RABL6: variants seen among roughly 807,000 people sequenced by gnomAD.
RABL6 encodes the protein rab-like protein 6.
RABL6 carries 28 observed loss-of-function variants against 72.9 expected under a neutral mutation model. The observed-to-expected ratio is 0.38, with a 90% CI of 0.28 to 0.53. RABL6 has a LOEUF of 0.53. Among genes scored for constraint, RABL6 ranks in the 20% least tolerant of loss-of-function variants. The probability of loss-of-function intolerance (pLI) is 0.80; values close to 1 mark genes in which losing one functional copy is unlikely to be tolerated. For synonymous variants in RABL6, 477 were observed against 421.2 expected (o/e 1.13, Z -1.62); for missense variants, 1,029 against 1,008.4 (o/e 1.02, Z -0.28).
rs1332379832 is a variant in RABL6, at chr9:136,818,385, A to C, written c.131-5140A>C. On this transcript the variant is annotated intron_variant, in intron 1 of 14. Transcript: ENST00000311502. Reference sequence around the variant, plus strand: ...CTCAAAAAAAAAAAAAAAAAAAAAAAAAAAAAAAAAAAAAAAAAACCAAAG... The same window carrying C: ...CTCAAAAAAAAAAAAAAAAAAAAAACAAAAAAAAAAAAAAAAAAACCAAAG... Among the ~76,000 whole-genome samples, 52 of 126,552 alleles carry C rather than the reference A, an allele frequency of 4.1e-4. 2 individuals are homozygous for C. The highest frequency in any genetic ancestry group is 1.9e-3 in the Admixed American group (25 of 12,858). The allele number at this position is 126,552 out of a possible 152,430, so 83.0% of individuals were successfully genotyped here.
At position 136,835,602 on chromosome 9, in the gene RABL6, T is replaced by A. The variant is rs1383561529; in HGVS notation, c.706-140T>A. ...AAGTGGGGCCCAGCGCAGAGCTCCATGAGTTGCTGAGCAGCCAGCCCTGCA... is the reference window on the plus strand; with the variant it reads ...AAGTGGGGCCCAGCGCAGAGCTCCAAGAGTTGCTGAGCAGCCAGCCCTGCA... On this transcript the variant is annotated intron_variant, in intron 7 of 14. Coordinates refer to ENST00000311502, the MANE Select transcript of RABL6 (RefSeq NM_024718.5). The A allele has an allele frequency of 4.4e-6, 3 of 688,626 alleles. No individual in the cohort carries two copies. The East Asian group carries it at 8.3e-5, about 19-fold the overall frequency. The allele number at this position is 688,626 out of a possible 1,614,324, so 42.7% of individuals were successfully genotyped here.
Position 136,840,401 on chromosome 9 carries a change from G to C in RABL6, c.2069G>C (p.Arg690Pro), listed in dbSNP as rs376411410. The C allele has an allele frequency of 9.7e-6, 15 of 1,551,026 alleles. No homozygotes were observed. Among genetic ancestry groups the C allele is most frequent in the Admixed American group, 5.9e-5 (3 of 51,024 alleles). The change falls in exon 15 of 15, where the codon CGG (arginine) becomes CCG (proline). Residue 690 changes from arginine to proline, a missense_variant. Physicochemically the swap from Arg to Pro is moderately radical, Grantham distance 103. Coordinates refer to ENST00000311502, the MANE Select transcript of RABL6 (RefSeq NM_024718.5). ...DKEEGKEERR[R>P]RQQRPPRSRE... Reference sequence around the variant, plus strand: ...GAGGAGGGCAAGGAGGAGCGGCGACGGCGGCAGCAGCGGCCCCCGCGCAGC... The same window carrying C: ...GAGGAGGGCAAGGAGGAGCGGCGACCGCGGCAGCAGCGGCCCCCGCGCAGC...
chr9:136,813,732 C>T (rs1848061501), intron 1 of RABL6: 2 of 192,456 alleles, frequency 1.0e-5, no homozygotes, highest in African/African-American at 2.4e-5. Context: ...TTTCCTGCCT[C>T]AGCCTCCCGA....
intron 1 of RABL6, among the ~76,000 whole-genome samples, chr9:136,823,094 A>C (rs989276590): frequency 6.6e-6 from 1 of 151,880 alleles, no homozygotes; most frequent in African/African-American, 2.4e-5. Context: ...TCTCAAAAAA[A>C]AAAAAAAAAA....
At chr9:136,835,980 C>G (rs1021220534) in intron 8 of RABL6, 135 bp downstream of exon 8, 1 of 827,178 alleles carries the variant, frequency 1.2e-6, no homozygotes. Context: ...CCTTTGGGCA[C>G]GGGTGGAGGA....
intron 1 of RABL6, among the ~76,000 whole-genome samples, chr9:136,817,499 C>T (rs1026793355): frequency 2.1e-4 from 32 of 151,310 alleles, no homozygotes; most frequent in Admixed American, 5.9e-4. Flanking sequence ...GAGGGGAGGC[C>T]GACGTGGGCT....
intron 1 of RABL6, among the ~76,000 whole-genome samples, chr9:136,817,134 A>C (rs1329520781): frequency 2.0e-5 from 3 of 152,340 alleles, no homozygotes; most frequent in Admixed American, 2.0e-4. Flanking sequence ...ACGTTAAATC[A>C]GTCAGCAGCA....
chr9:136,836,164 T>G (rs1263012483), intron 8 of RABL6: 5 of 299,374 alleles, frequency 1.7e-5, no homozygotes, highest in Non-Finnish European at 6.3e-6. Context: ...CCTCCCAGAT[T>G]GATGCCAGCA....
chr9:136,840,180 GAGAAGA>G lies in RABL6; in HGVS notation c.1971_1976del (p.Lys659_Lys660del), dbSNP rs145591109. 1.9e-5 allele frequency: 31 copies of G among 1,612,374 alleles called. No individual in the cohort carries two copies. Among genetic ancestry groups the G allele is most frequent in the Admixed American group, 3.3e-5 (2 of 59,968 alleles). ...TAAGGAGGGCAAAACCCCCTCTAAG[GAGAAGA>G]AGAAGAAGAAGAAAAAAGGCAAAGA... On this transcript the variant is annotated inframe_deletion, in exon 14 of 15. Transcript: ENST00000311502.
chr9:136,827,519 G>T (rs1378412883), intron 3 of RABL6: 8 of 152,314 alleles, frequency 5.3e-5, no homozygotes, highest in Non-Finnish European at 1.2e-4. Flanking sequence ...GCTCGCCCGG[G>T]GGGTGCTGGT....
intron 1 of RABL6, chr9:136,821,223 G>C (rs1041545973): frequency 1.4e-6 from 1 of 704,968 alleles, no homozygotes; most frequent in Non-Finnish European, 1.7e-6. Flanking sequence ...GTAGGGTTGA[G>C]GAGCCGAGAT....
In RABL6 at chr9:136,831,832, C is replaced by T. The variant is rs539188352; in HGVS notation, c.570C>T (p.Asp190=). Residue 190 remains aspartate, a synonymous_variant, in exon 6 of 15, where the codon GAC becomes GAT. Coordinates refer to ENST00000311502, the MANE Select transcript of RABL6 (RefSeq NM_024718.5). ...MGEHRVILPD[D]VRDFIDNLDR... ...AGCACCGAGTCATCCTGCCGGACGA[C>T]GTGCGTGACTTCATCGACAACCTGG... 3.2e-5 allele frequency: 51 copies of T among 1,612,744 alleles called. No homozygotes were observed. Among genetic ancestry groups the T allele is most frequent in the Admixed American group, 1.0e-4 (6 of 59,960 alleles).
chr9:136,840,173 C>T lies in RABL6; in HGVS notation c.1950C>T (p.Pro650=), dbSNP rs1564374457. 2.5e-6 allele frequency: 4 copies of T among 1,612,758 alleles called. No individual in the cohort carries two copies. Among genetic ancestry groups the T allele is most frequent in the South Asian group, 2.2e-5 (2 of 91,072 alleles). Residue 650 remains proline (P), a synonymous_variant, in exon 14 of 15, where the codon CCC becomes CCT. Transcript: ENST00000311502. The part of the protein sequence containing the change: ...SSEEGKEGKT[P]SKEKKKKKKK... Reference sequence around the variant, plus strand: ...GTGCAGGTAAGGAGGGCAAAACCCCCTCTAAGGAGAAGAAGAAGAAGAAGA... The same window carrying T: ...GTGCAGGTAAGGAGGGCAAAACCCCTTCTAAGGAGAAGAAGAAGAAGAAGA...
intron 2 of RABL6, among the ~76,000 whole-genome samples, chr9:136,824,258 C>T (rs1044789134): frequency 5.3e-5 from 8 of 149,562 alleles, no homozygotes; most frequent in Non-Finnish European, 1.0e-4. Context: ...TGTTCAGAAT[C>T]GTGACAGCAA....
At chr9:136,813,973 A>G in intron 1 of RABL6, 2 of 388,336 alleles carry the variant, frequency 5.2e-6, no homozygotes, top group Non-Finnish European at 1.0e-5. Context: ...ATTTGTAGCC[A>G]AAAGTATTCT....
chr9:136,830,160 C>T (rs1439830028), intron 5 of RABL6, among the ~76,000 whole-genome samples: 5 of 152,258 alleles, frequency 3.3e-5, no homozygotes, highest in Non-Finnish European at 5.9e-5. Flanking sequence ...ATGCCCGACA[C>T]GTCCAGGCAT....
In RABL6 at chr9:136,808,159, C is replaced by T. The variant is rs558337995; in HGVS notation, c.-38C>T. The T allele has an allele frequency of 6.8e-7, 1 of 1,474,814 alleles. No homozygotes were observed. The highest frequency in any genetic ancestry group is 1.5e-5 in the African/African-American group (1 of 67,828). The allele number at this position is 1,474,814 out of a possible 1,614,324, so 91.4% of individuals were successfully genotyped here. On this transcript the variant is annotated 5_prime_UTR_variant, in exon 1 of 15. Transcript: ENST00000311502. Reference sequence around the variant, plus strand: ...ACCCCTTCCCCGCCGCCGCTGAGCTCGCCGGCCGCGCCCGGGCTGGGACGT... The same window carrying T: ...ACCCCTTCCCCGCCGCCGCTGAGCTTGCCGGCCGCGCCCGGGCTGGGACGT...
rs1419915074 is a variant in RABL6 at position 136,808,414 on chromosome 9, C to G, written c.130+88C>G. On this transcript the variant is annotated intron_variant, in intron 1 of 14. Coordinates refer to ENST00000311502, the MANE Select transcript of RABL6 (RefSeq NM_024718.5). ...GCGCCGCGCGGTGGTGGGTGTCGGTCTCACCTGCTTGCCGGTTGTGGGGTG... is the reference window on the plus strand; with the variant it reads ...GCGCCGCGCGGTGGTGGGTGTCGGTGTCACCTGCTTGCCGGTTGTGGGGTG... The G allele has an allele frequency of 1.8e-5, 24 of 1,299,744 alleles. No homozygotes were observed. In the East Asian group the frequency reaches 7.6e-4, roughly 41 times the overall value. 80.5% of individuals were successfully genotyped at this position (1,299,744 alleles called of 1,614,324 possible).
intron 8 of RABL6, chr9:136,837,062 AGAC>A: frequency 1.8e-6 from 1 of 557,382 alleles, no homozygotes; most frequent in South Asian, 2.0e-5. Context: ...TTTTTAGTAG[AGAC>A]GGGGTTTCAC....
Sources: gnomAD v4.1 joint callset for allele counts (sites outside exome capture counted in the v4.1 genomes callset) on GRCh38, gnomAD v4.1.1 for gene constraint, MANE v1.5 for transcripts, NCBI Gene and HGNC (gene_info 2026-07-23, HGNC 2026-07-21) for gene names.